The following IL16 variants were observed in gnomAD, a reference collection of about 807,000 sequenced individuals.
The protein encoded by IL16 is pro-interleukin-16.
Under a neutral mutation model 110.1 loss-of-function variants are expected in IL16, and 67 were observed. That is an observed-to-expected ratio of 0.61 (90% confidence interval 0.50 to 0.75). The LOEUF (loss-of-function observed/expected upper bound fraction) is 0.75, where lower values mean the gene tolerates loss of function less well. IL16 is among the 30% of genes least tolerant of loss of function. IL16 has a pLI of 0.00. For synonymous variants in IL16, 689 were observed against 662.9 expected, an observed-to-expected ratio of 1.04 and a Z score of -0.61; for missense variants, 1,545 against 1,655.0, an observed-to-expected ratio of 0.93 and a Z score of 1.15.
intron 1 of IL16, among the ~76,000 whole-genome samples, chr15:81,208,206 A>G (rs535064477): frequency 2.6e-5 from 4 of 152,146 alleles, no homozygotes; most frequent in Admixed American, 1.3e-4. Flanking sequence ...TCCTTTGCCC[A>G]TTTTTAATGG....
chr15:81,291,289 T>G (rs559376496), intron 11 of IL16, among the ~76,000 whole-genome samples: 1 of 152,324 alleles, frequency 6.6e-6, no homozygotes, highest in East Asian at 1.9e-4. Flanking sequence ...CCACCCAACA[T>G]GCATATATGC....
chr15:81,254,330 T>C (rs1595997222), intron 2 of IL16, among the ~76,000 whole-genome samples: 1 of 152,216 alleles, frequency 6.6e-6, no homozygotes, highest in East Asian at 1.9e-4. Context: ...ATCACCTTGT[T>C]TGCAGGACAC....
chr15:81,284,457 G>T (rs1221245539), intron 9 of IL16, among the ~76,000 whole-genome samples: 1 of 152,202 alleles, frequency 6.6e-6, no homozygotes, highest in African/African-American at 2.4e-5. Context: ...CAGGTTCCAT[G>T]TGGTTGTCTT....
chr15:81,277,425 A>C (rs1459916068), intron 6 of IL16, among the ~76,000 whole-genome samples: 19 of 152,100 alleles, frequency 1.2e-4, no homozygotes, highest in Non-Finnish European at 1.5e-5. Flanking sequence ...ATCAAAGACA[A>C]AGGAAAAAGA....
chr15:81,288,835 G>GTGTGTT (rs1404976487), intron 10 of IL16, among the ~76,000 whole-genome samples: 4 of 120,080 alleles, frequency 3.3e-5, no homozygotes, highest in African/African-American at 1.3e-4. Context: ...GTGTATGTGT[G>GTGTGTT]TGTGTGTGTG....
chr15:81,302,291 T>C (rs1900326719), intron 15 of IL16: 2 of 152,300 alleles, frequency 1.3e-5, no homozygotes, highest in Admixed American at 1.3e-4. Flanking sequence ...TGAGATTCTT[T>C]CGCTGTGGCT....
intron 4 of IL16, among the ~76,000 whole-genome samples, chr15:81,268,359 A>G (rs1412550675): frequency 8.3e-6 from 1 of 120,840 alleles, no homozygotes; most frequent in Non-Finnish European, 1.7e-5. Flanking sequence ...AAGGGAGTAC[A>G]ACCCAAAGAG....
intron 1 of IL16, among the ~76,000 whole-genome samples, chr15:81,215,143 A>C (rs116450466): frequency 0.013 from 1,993 of 152,292 alleles, 40 homozygotes; most frequent in African/African-American, 0.046. Flanking sequence ...CAGACTGAGC[A>C]AAAAACCATT....
chr15:81,199,854 C>T (rs1395585408), intron 1 of IL16, among the ~76,000 whole-genome samples: 1 of 152,132 alleles, frequency 6.6e-6, no homozygotes, highest in Non-Finnish European at 1.5e-5. Context: ...TCCCAGCTCC[C>T]GAATCTGAGT....
At chr15:81,231,346 C>G in intron 2 of IL16, among the ~76,000 whole-genome samples, 1 of 137,002 alleles carries the variant, frequency 7.3e-6, no homozygotes, top group African/African-American at 2.7e-5. Context: ...CTCTCTCTCT[C>G]TCTCTCTCTC....
chr15:81,282,908 G>A lies in IL16; in HGVS notation c.1199+152G>A, dbSNP rs1596030035. On this transcript the variant is annotated intron_variant, in intron 9 of 18. Coordinates refer to ENST00000683961, the MANE Select transcript of IL16 (RefSeq NM_172217.5). Reference sequence around the variant, plus strand: ...TCCGCCCGCCAGGACACCCCCTGTTGTGGGCACTGGCTGGGGAGGGGCAGG... The same window carrying A: ...TCCGCCCGCCAGGACACCCCCTGTTATGGGCACTGGCTGGGGAGGGGCAGG... 6.8e-6 allele frequency: 5 copies of A among 734,302 alleles called. No individual in the cohort carries two copies. The East Asian group carries it at 1.0e-4, about 15-fold the overall frequency. The allele number at this position is 734,302 out of a possible 1,614,324, so 45.5% of individuals were successfully genotyped here.
intron 1 of IL16, among the ~76,000 whole-genome samples, chr15:81,220,796 G>GGAA (rs1896587673): frequency 1.6e-5 from 2 of 128,862 alleles, no homozygotes; most frequent in Admixed American, 1.6e-4. Flanking sequence ...CTTGTTGAAT[G>GGAA]AAAAAAAAAA....
intron 1 of IL16, among the ~76,000 whole-genome samples, chr15:81,218,405 G>A (rs1232022504): frequency 6.6e-6 from 1 of 152,170 alleles, no homozygotes; most frequent in Non-Finnish European, 1.5e-5. Context: ...CCCTGGATGG[G>A]AAGACTTTCT....
intron 1 of IL16, 38 bp downstream of exon 1, chr15:81,197,190 T>A: frequency 7.9e-7 from 1 of 1,264,604 alleles, no homozygotes; most frequent in Non-Finnish European, 1.0e-6. Context: ...TCTGTCCAGG[T>A]GGCCGTTACC....
intron 1 of IL16, among the ~76,000 whole-genome samples, chr15:81,197,526 A>T (rs1162037683): frequency 6.6e-6 from 1 of 152,050 alleles, no homozygotes; most frequent in Non-Finnish European, 1.5e-5. Context: ...GGAGAGAGAA[A>T]GGCCACGGGG....
intron 3 of IL16, among the ~76,000 whole-genome samples, chr15:81,264,496 T>C (rs908182121): frequency 4.6e-5 from 7 of 152,182 alleles, no homozygotes; most frequent in African/African-American, 7.2e-5. Context: ...GCTTAAGTCT[T>C]TCCCATCCTG....
chr15:81,219,218 G>A (rs1387194926), intron 1 of IL16, among the ~76,000 whole-genome samples: 1 of 152,112 alleles, frequency 6.6e-6, no homozygotes, highest in Non-Finnish European at 1.5e-5. Context: ...CCTATGTGTA[G>A]CTTTGTGCAG....
At chr15:81,272,290 A>G (rs1898676488) in intron 5 of IL16, among the ~76,000 whole-genome samples, 1 of 152,212 alleles carries the variant, frequency 6.6e-6, no homozygotes, top group Admixed American at 6.5e-5. Flanking sequence ...CTGCCAGGCC[A>G]TTCTGTGAAC....
intron 1 of IL16, among the ~76,000 whole-genome samples, chr15:81,203,237 G>C (rs2141961303): frequency 6.6e-6 from 1 of 151,882 alleles, no homozygotes; most frequent in Middle Eastern, 3.4e-3. Flanking sequence ...TGTCAGATGA[G>C]TAGGTTGCAA....
Sources: gnomAD v4.1 joint callset for allele counts (sites outside exome capture counted in the v4.1 genomes callset) on GRCh38, gnomAD v4.1.1 for gene constraint, MANE v1.5 for transcripts, NCBI Gene and HGNC (gene_info 2026-07-23, HGNC 2026-07-21) for gene names.